Variants in MCM2 observed in about 807,000 individuals in gnomAD.
MCM2 encodes the protein DNA replication licensing factor MCM2.
MCM2 carries 49 observed loss-of-function variants against 86.4 expected under a neutral mutation model. The ratio of observed to expected loss-of-function variants is 0.57; its 90% CI spans 0.45 to 0.72. MCM2 has a LOEUF of 0.72. Ranked by LOEUF, MCM2 falls within the 30% of genes least tolerant of loss-of-function variation. The probability of loss-of-function intolerance (pLI) is 0.00; values close to 1 mark genes in which losing one functional copy is unlikely to be tolerated. For synonymous variants in MCM2, 475 were observed against 484.6 expected (o/e 0.98, Z 0.26); for missense variants, 1,038 against 1,259.9 (o/e 0.82, Z 2.67).
intron 2 of MCM2, among the ~76,000 whole-genome samples, chr3:127,601,821 C>A (rs1300287464): frequency 6.6e-6 from 1 of 152,238 alleles, no homozygotes; most frequent in Non-Finnish European, 1.5e-5. Flanking sequence ...GAGGGTTCCA[C>A]TCCTCCGTGT....
intron 8 of MCM2, chr3:127,610,733 A>C: frequency 2.2e-6 from 1 of 454,282 alleles, no homozygotes; most frequent in Non-Finnish European, 4.4e-6. Context: ...CAGTAGGGGC[A>C]AAGCATCCAG....
intron 1 of MCM2, 142 bp from the exon 2 acceptor site, chr3:127,599,176 G>A (rs1251004750): frequency 1.4e-6 from 1 of 721,562 alleles, no homozygotes; most frequent in Non-Finnish European, 2.4e-6. Flanking sequence ...GCAAAGATCT[G>A]GAGGCTGGAA....
chr3:127,620,296 CA>C (rs771050333), intron 13 of MCM2, among the ~76,000 whole-genome samples: 17 of 152,196 alleles, frequency 1.1e-4, no homozygotes, highest in Middle Eastern at 3.2e-3. Context: ...TTAACTTTAC[CA>C]AGTTTTTTCA....
chr3:127,606,968 A>G lies in MCM2; in HGVS notation c.1101+151A>G. ...GTTGGCCACACCCTGGGGTGGACCC[A>G]GTCTGTCTGGCCAGTGGACTTAGCT... On this transcript the variant is annotated intron_variant, in intron 6 of 15. Transcript: ENST00000265056. The surrounding 1 kb of genome is among the most constrained non-coding windows in gnomAD (Gnocchi z 4.2). 1 of 749,332 alleles carries G rather than the reference A, an allele frequency of 1.3e-6. No homozygotes were observed. Among genetic ancestry groups the G allele is most frequent in the Non-Finnish European group, 2.2e-6 (1 of 450,756 alleles). 46.4% of individuals were successfully genotyped at this position (749,332 alleles called of 1,614,324 possible).
chr3:127,605,134 G>A lies in MCM2; in HGVS notation c.651G>A (p.Glu217=), dbSNP rs138251000. The change falls in exon 4 of 16, where the codon GAG becomes GAA. Residue 217 remains glutamate, a synonymous_variant. Coordinates refer to ENST00000265056, the MANE Select transcript of MCM2 (RefSeq NM_004526.4). The part of the protein sequence containing the change: ...VDSHGHNVFK[E]RISDMCKENR... The stretch of plus-strand genomic sequence containing the variant: ...GCCACGGCCACAACGTCTTCAAGGA[G>A]CGCATCAGCGACATGTGCAAAGGTG... 145 of 1,614,104 alleles carry A rather than the reference G, an allele frequency of 9.0e-5. No individual in the cohort carries two copies. The highest frequency in any genetic ancestry group is 3.3e-4 in the Middle Eastern group (2 of 6,062).
At chr3:127,621,426 G>A (rs900240242) in intron 15 of MCM2, among the ~76,000 whole-genome samples, 198 bp downstream of exon 15, 2 of 152,148 alleles carry the variant, frequency 1.3e-5, no homozygotes, top group African/African-American at 2.4e-5. Flanking sequence ...TCCTGTTACT[G>A]CCTTCCTGTT....
chr3:127,621,279 G>T (rs575455973), intron 15 of MCM2, 51 bp downstream of exon 15: 1 of 1,603,074 alleles, frequency 6.2e-7, no homozygotes, highest in South Asian at 1.1e-5. Flanking sequence ...CTTGGGAGCT[G>T]CCAGTCTCCT....
rs377332125 is a variant in MCM2, at chr3:127,606,481, G to C, written c.894-129G>C. 1,922 of 1,174,480 alleles carry C rather than the reference G, an allele frequency of 1.6e-3. 28 individuals carry two copies. The highest frequency in any genetic ancestry group is 0.014 in the South Asian group (1,028 of 72,452). The allele number at this position is 1,174,480 out of a possible 1,614,324, so 72.8% of individuals were successfully genotyped here. ...GCAGGTGAGTTGTGGTTGCACAGGA[G>C]TGTGATGGGAGGGATCTTCCCGGGC... On this transcript the variant is annotated intron_variant, in intron 5 of 15. Transcript: ENST00000265056. The surrounding 1 kb of genome is among the most constrained non-coding windows in gnomAD (Gnocchi z 4.2).
intron 8 of MCM2, among the ~76,000 whole-genome samples, chr3:127,614,861 T>C (rs2074422020): frequency 6.6e-6 from 1 of 152,162 alleles, no homozygotes; most frequent in Admixed American, 6.5e-5. Context: ...CTTTGAGTGA[T>C]TTTTTGCTTT....
rs569582720 is a variant in MCM2 at position 127,615,703 on chromosome 3, C to A, written c.1429-159C>A. On this transcript the variant is annotated intron_variant, in intron 8 of 15. Coordinates refer to ENST00000265056, the MANE Select transcript of MCM2 (RefSeq NM_004526.4). ...GCCAACTAATGAAAAGCTTTAGAGT[C>A]GGGCACGGCTTGATACCAGGGCCTG... 3.8e-4 allele frequency among the ~76,000 whole-genome samples: 58 copies of A among 152,292 alleles called. No individual in the cohort carries two copies. The South Asian group carries it at 0.012, about 31-fold the overall frequency.
In MCM2 at chr3:127,621,824, A is replaced by G; in HGVS notation, c.*51A>G. The G allele has an allele frequency of 7.0e-7, 1 of 1,424,180 alleles. No homozygotes were observed. The highest frequency in any genetic ancestry group is 2.3e-5 in the East Asian group (1 of 43,914). The allele number at this position is 1,424,180 out of a possible 1,614,324, so 88.2% of individuals were successfully genotyped here. A position where few individuals can be genotyped will look rare whatever the true frequency, so the allele number is the denominator to read the frequency against. On this transcript the variant is annotated 3_prime_UTR_variant, in exon 16 of 16. Coordinates refer to ENST00000265056, the MANE Select transcript of MCM2 (RefSeq NM_004526.4). ...CTTGGGATTCTGGTTTGGGGTGGTC[A>G]GTGCCCTCTGTGCTTTATGGACACA...
In MCM2 at chr3:127,604,740, G is replaced by T; in HGVS notation, c.369G>T (p.Glu123Asp). ...AERAMRQRDR[E>D]AGRGLGRMRR... is the part of the protein sequence containing the mutation. ...GGGCCATGCGGCAGCGTGACCGGGA[G>T]GCTGGCCGGGGCCTGGGCCGCATGC... is the stretch of plus-strand genomic sequence containing the variant. Residue 123 changes from glutamate (E) to aspartate (D), a missense_variant, in exon 3 of 16, where the codon GAG (glutamate) becomes GAT (aspartate). By Grantham distance (45) the Glu-to-Asp change is conservative. Transcript: ENST00000265056. 1 of 1,608,484 alleles carries T rather than the reference G, an allele frequency of 6.2e-7. No individual in the cohort carries two copies. Among genetic ancestry groups the T allele is most frequent in the East Asian group, 2.2e-5 (1 of 44,746 alleles).
rs796576308 is a variant in MCM2 at position 127,599,524 on chromosome 3, G to A, written c.213G>A (p.Glu71=). The change falls in exon 2 of 16, where the codon GAG becomes GAA. Residue 71 remains glutamate, a synonymous_variant. Coordinates refer to ENST00000265056, the MANE Select transcript of MCM2 (RefSeq NM_004526.4). Reference sequence around the variant, plus strand: ...TGGAGGAAGAAGAGGATGGAGAGGAGCTCATTGGAGATGGCATGGAAAGGT... The same window carrying A: ...TGGAGGAAGAAGAGGATGGAGAGGAACTCATTGGAGATGGCATGGAAAGGT... The part of the protein sequence containing the change: ...GPLEEEEDGE[E]LIGDGMERDY... The A allele has an allele frequency of 3.7e-6, 6 of 1,613,460 alleles. No homozygotes were observed. The Admixed American group carries it at 8.3e-5, about 22-fold the overall frequency.
intron 1 of MCM2, 47 bp downstream of exon 1, chr3:127,598,519 G>C (rs1248028797): frequency 2.5e-6 from 4 of 1,604,134 alleles, no homozygotes; most frequent in Admixed American, 1.7e-5. Context: ...ACATGGGTGC[G>C]GAGGCTGCGC....
In MCM2 at chr3:127,617,292, A is replaced by G. The variant is rs1378882270; in HGVS notation, c.1787A>G (p.Asp596Gly). The change falls in exon 11 of 16, where the codon GAC (aspartate) becomes GGC (glycine). Residue 596 changes from aspartate (D) to glycine (G), a missense_variant. Transcript: ENST00000265056. The surrounding 1 kb of genome is among the most constrained non-coding windows in gnomAD (Gnocchi z 4.1). ...TTAATCTTGCAGATGAATGACCAGG[A>G]CAGAACCAGCATCCATGAGGCCATG... is the stretch of plus-strand genomic sequence containing the variant. ...IDEFDKMNDQ[D>G]RTSIHEAMEQ... The G allele has an allele frequency of 6.2e-7, 1 of 1,613,962 alleles. No individual in the cohort carries two copies. The highest frequency in any genetic ancestry group is 8.5e-7 in the Non-Finnish European group (1 of 1,180,008).
intron 13 of MCM2, among the ~76,000 whole-genome samples, chr3:127,619,793 A>G (rs1379934256): frequency 6.6e-6 from 1 of 152,212 alleles, no homozygotes; most frequent in Non-Finnish European, 1.5e-5. Flanking sequence ...CAGGCTGGGC[A>G]ACATAGTGAG....
At chr3:127,613,726 A>G (rs2074415361) in intron 8 of MCM2, among the ~76,000 whole-genome samples, 1 of 152,214 alleles carries the variant, frequency 6.6e-6, no homozygotes, top group Non-Finnish European at 1.5e-5. Flanking sequence ...GGTGTAGTGA[A>G]CTTTGACCAT....
chr3:127,601,581 G>A (rs186993102), intron 2 of MCM2, among the ~76,000 whole-genome samples: 1 of 152,254 alleles, frequency 6.6e-6, no homozygotes, highest in Admixed American at 6.5e-5. Context: ...GGCCAGGCTG[G>A]TCTTGAACCC....
intron 13 of MCM2, 26 bp downstream of exon 13, chr3:127,619,304 G>T: frequency 6.2e-7 from 1 of 1,602,742 alleles, no homozygotes; most frequent in Non-Finnish European, 8.5e-7. Context: ...GAGCCGGGAG[G>T]TGCTATGCAG....
Sources: allele counts gnomAD v4.1 joint callset (sites outside exome capture counted in the v4.1 genomes callset), GRCh38; gene constraint gnomAD v4.1.1; non-coding constraint Gnocchi (gnomAD v3.1); transcripts MANE v1.5; gene names NCBI Gene and HGNC (gene_info 2026-07-23, HGNC 2026-07-21).